Variants in FRS3 observed in about 807,000 individuals in gnomAD.
FRS3 encodes the protein FGFR substrate 3.
A neutral mutation model predicts 41.9 loss-of-function variants in FRS3; 17 were observed. The observed-to-expected ratio is 0.41, with a 90% CI of 0.28 to 0.61. The LOEUF is 0.61. Ranked by LOEUF, FRS3 falls within the 20% of genes least tolerant of loss-of-function variation. FRS3 has a pLI of 0.36. For missense variants in FRS3, 619 were observed against 672.1 expected (o/e 0.92, Z 0.87); for synonymous variants, 287 against 274.5 (o/e 1.05, Z -0.45).
At chr6:41,775,931 G>C (rs1457806777) in intron 3 of FRS3, among the ~76,000 whole-genome samples, 2 of 152,188 alleles carry the variant, frequency 1.3e-5, no homozygotes, top group Non-Finnish European at 2.9e-5. Flanking sequence ...TAGTATCCAA[G>C]GGCCAGATGT....
At position 41,771,346 on chromosome 6, in the gene FRS3, C is replaced by T. The variant is rs137923290; in HGVS notation, c.752G>A (p.Arg251Gln). ...GAGGCCCTGGCACTTCACCATGTGC[C>T]GCCGAGCAGGGGTCGGGCCCAACAC... ...KFVLGPTPAR[R>Q]HMVKCQGLCP... The change falls in exon 7 of 7, where the codon CGG becomes CAG. Residue 251 changes from arginine to glutamine, a missense_variant. Transcript: ENST00000373018. The T allele has an allele frequency of 1.3e-5, 21 of 1,613,372 alleles. No individual in the cohort carries two copies. The highest frequency in any genetic ancestry group is 5.0e-5 in the Admixed American group (3 of 59,930).
chr6:41,773,548 G>A (rs1772348156), intron 4 of FRS3, among the ~76,000 whole-genome samples: 2 of 152,114 alleles, frequency 1.3e-5, no homozygotes, highest in Non-Finnish European at 1.5e-5. Flanking sequence ...AAGGATGTGT[G>A]TGTTCAGGGG....
At chr6:41,775,885 T>C (rs1447558914) in intron 3 of FRS3, among the ~76,000 whole-genome samples, 1 of 152,148 alleles carries the variant, frequency 6.6e-6, no homozygotes, top group Non-Finnish European at 1.5e-5. Flanking sequence ...GTTTGTTAGA[T>C]AACAAATGTT....
intron 4 of FRS3, among the ~76,000 whole-genome samples, chr6:41,773,951 CTTCTT>C (rs1171760118): frequency 6.6e-6 from 1 of 151,824 alleles, no homozygotes; most frequent in Non-Finnish European, 1.5e-5. Context: ...AGTGAACATT[CTTCTT>C]TTATTTTTTC....
At chr6:41,778,953 C>T (rs1772466874) in intron 1 of FRS3, among the ~76,000 whole-genome samples, 2 of 152,176 alleles carry the variant, frequency 1.3e-5, no homozygotes, top group South Asian at 4.1e-4. Flanking sequence ...AGAAACACTT[C>T]CCAGGGCCCC....
rs766661900 is a variant in FRS3 at position 41,771,453 on chromosome 6, A to T, written c.645T>A (p.Gly215=). The T allele has an allele frequency of 6.2e-6, 10 of 1,605,502 alleles. No homozygotes were observed. The highest frequency in any genetic ancestry group is 4.3e-6 in the Non-Finnish European group (5 of 1,175,526). The part of the protein sequence containing the change: ...GRHCLQPLPE[G]QAPFLPQARG... ...GGGCCTGCGGGAGGAAGGGTGCCTGACCCTCAGGCAGGGGCTGCAGGCAGT... is the reference window on the plus strand; with the variant it reads ...GGGCCTGCGGGAGGAAGGGTGCCTGTCCCTCAGGCAGGGGCTGCAGGCAGT... The change falls in exon 7 of 7, where the codon GGT becomes GGA. Residue 215 remains glycine, a synonymous_variant. Coordinates refer to ENST00000373018, the MANE Select transcript of FRS3 (RefSeq NM_006653.5).
intron 1 of FRS3, among the ~76,000 whole-genome samples, chr6:41,779,065 A>G: frequency 6.6e-6 from 1 of 152,186 alleles, no homozygotes; most frequent in Non-Finnish European, 1.5e-5. Flanking sequence ...AGGTGTGCAC[A>G]GACTAAAGAT....
At chr6:41,775,720 C>G in intron 3 of FRS3, 115 bp from the exon 4 acceptor site, 1 of 763,786 alleles carries the variant, frequency 1.3e-6, no homozygotes, top group Non-Finnish European at 2.3e-6. Flanking sequence ...CCAAAGGTCA[C>G]ATCCGACTAT....
intron 4 of FRS3, among the ~76,000 whole-genome samples, chr6:41,774,921 T>G (rs1286359344): frequency 6.6e-6 from 1 of 152,156 alleles, no homozygotes; most frequent in Non-Finnish European, 1.5e-5. Context: ...GGAACCCAAG[T>G]GTAGATCAAA....
Position 41,770,444 on chromosome 6 carries a change from G to C in FRS3, c.*175C>G, listed in dbSNP as rs913425251. On this transcript the variant is annotated 3_prime_UTR_variant, in exon 7 of 7. Coordinates refer to ENST00000373018, the MANE Select transcript of FRS3 (RefSeq NM_006653.5). ...TCCCCAGCCTGGAGACAGACCAGGA[G>C]ACTCGGTGGCTGATATCTCTGGGGA... 3.3e-5 allele frequency: 21 copies of C among 631,558 alleles called. No homozygotes were observed. The highest frequency in any genetic ancestry group is 5.3e-5 in the Non-Finnish European group (19 of 359,776). The allele number at this position is 631,558 out of a possible 1,614,324, so 39.1% of individuals were successfully genotyped here.
chr6:41,771,880 C>T lies in FRS3; in HGVS notation c.500G>A (p.Ser167Asn). 1.9e-6 allele frequency: 3 copies of T among 1,554,226 alleles called. No homozygotes were observed. The highest frequency in any genetic ancestry group is 1.2e-5 in the South Asian group (1 of 84,224). ...CCCAAGCGAGGGGTGCCGCAGGCTG[C>T]TTGTCGAGAGCCGCCGGGGAGCTGA... ...RFSAPRRLST[S>N]SLRHPSLGEE... is the part of the protein sequence containing the mutation. Residue 167 changes from serine to asparagine, a missense_variant, in exon 6 of 7, where the codon AGC becomes AAC. Physicochemically the swap from Ser to Asn is conservative, Grantham distance 46. Around this residue, in one of 3 missense-constraint regions of FRS3, gnomAD observed 487 missense variants for 478.3 expected, o/e 1.02. Transcript: ENST00000373018.
chr6:41,771,950 C>G lies in FRS3; in HGVS notation c.430G>C (p.Val144Leu), dbSNP rs1247301530. 6.4e-7 allele frequency: 1 copy of G among 1,563,196 alleles called. No individual in the cohort carries two copies. Among genetic ancestry groups the G allele is most frequent in the East Asian group, 2.4e-5 (1 of 42,212 alleles). The change falls in exon 6 of 7, where the codon GTC (valine) becomes CTC (leucine). Residue 144 changes from valine to leucine, a missense_variant. Physicochemically the swap from Val to Leu is conservative, Grantham distance 32. Around this residue, in one of 3 missense-constraint regions of FRS3, gnomAD observed 487 missense variants for 478.3 expected, o/e 1.02. Coordinates refer to ENST00000373018, the MANE Select transcript of FRS3 (RefSeq NM_006653.5). The stretch of plus-strand genomic sequence containing the variant: ...GGGCAGCCATTGGAAAAGCTGGAGA[C>G]AGTGTAGCCTAGAGCTGAGCACACG... The part of the protein sequence containing the change: ...PQPPNALGYT[V>L]SSFSNGCPGE...
Position 41,772,867 on chromosome 6 carries a change from G to T in FRS3, c.346C>A (p.Pro116Thr). ...QCNSINVMEE[P>T]VIITRNSHPA... ...TGGCTATTGCGGGTGATGATGACAGGCTCTTCCATCACATTGATGCTGTTG... is the reference window on the plus strand; with the variant it reads ...TGGCTATTGCGGGTGATGATGACAGTCTCTTCCATCACATTGATGCTGTTG... Residue 116 changes from proline to threonine, a missense_variant, in exon 5 of 7, where the codon CCT becomes ACT. Physicochemically the swap from Pro to Thr is conservative, Grantham distance 38. Coordinates refer to ENST00000373018, the MANE Select transcript of FRS3 (RefSeq NM_006653.5). The T allele has an allele frequency of 6.2e-7, 1 of 1,612,872 alleles. No individual in the cohort carries two copies. The highest frequency in any genetic ancestry group is 8.5e-7 in the Non-Finnish European group (1 of 1,179,376).
At chr6:41,772,748 GT>G in intron 5 of FRS3, 49 bp downstream of exon 5, 3 of 940,314 alleles carry the variant, frequency 3.2e-6, no homozygotes, top group Non-Finnish European at 4.4e-6. Context: ...TCCTGGGCGT[GT>G]GTGTGTGTGT....
In FRS3 at chr6:41,776,909, G is replaced by A. The variant is rs1581972310; in HGVS notation, c.66+13C>T. ...CATGTTGGGAACACAGGAGAGGAGA[G>A]GGCTCTGGGTACCTTGAACTTGGTG... is the stretch of plus-strand genomic sequence containing the variant. On this transcript the variant is annotated intron_variant, in intron 3 of 6. Coordinates refer to ENST00000373018, the MANE Select transcript of FRS3 (RefSeq NM_006653.5). 1.2e-6 allele frequency: 2 copies of A among 1,609,500 alleles called. No individual in the cohort carries two copies. The highest frequency in any genetic ancestry group is 1.7e-6 in the Non-Finnish European group (2 of 1,175,762).
Position 41,771,435 on chromosome 6 carries a change from C to T in FRS3, c.663G>A (p.Pro221=), listed in dbSNP as rs35310379. The change falls in exon 7 of 7, where the codon CCG becomes CCA. Residue 221 remains proline (P), a synonymous_variant. Transcript: ENST00000373018. The stretch of plus-strand genomic sequence containing the variant: ...CCCGTTGGTCAGGTCCCCGGGCCTG[C>T]GGGAGGAAGGGTGCCTGACCCTCAG... ...PLPEGQAPFL[P]QARGPDQRDP... 153,188 of 1,611,344 alleles carry T rather than the reference C, an allele frequency of 0.095. 8,317 individuals are homozygous for T. The highest frequency in any genetic ancestry group is 0.11 in the Non-Finnish European group (131,041 of 1,178,532).
chr6:41,779,214 G>T (rs1373762758), intron 1 of FRS3, among the ~76,000 whole-genome samples: 1 of 152,058 alleles, frequency 6.6e-6, no homozygotes, highest in East Asian at 1.9e-4. Flanking sequence ...ATATCAGGAT[G>T]TATCAGATAG....
In FRS3 at chr6:41,770,827, C is replaced by T; in HGVS notation, c.1271G>A (p.Gly424Asp). 1 of 1,610,242 alleles carries T rather than the reference C, an allele frequency of 6.2e-7. No individual in the cohort carries two copies. The highest frequency in any genetic ancestry group is 1.1e-5 in the South Asian group (1 of 91,054). ...CCCCTTAGGGCGGTCTCCACCCCAGCCCTTTAGCTCCACCTGGATGTAGTT... is the reference window on the plus strand; with the variant it reads ...CCCCTTAGGGCGGTCTCCACCCCAGTCCTTTAGCTCCACCTGGATGTAGTT... ...QLNYIQVELK[G>D]WGGDRPKGPQ... Residue 424 changes from glycine to aspartate, a missense_variant, in exon 7 of 7, where the codon GGC (glycine) becomes GAC (aspartate). This residue lies in a region of FRS3 where 487 missense variants were observed against 478.3 expected (regional missense o/e 1.02). Transcript: ENST00000373018.
At position 41,779,782 on chromosome 6, in the gene FRS3, C is replaced by T. The variant is rs1327048110; in HGVS notation, c.-168+34G>A. 3.4e-5 allele frequency: 5 copies of T among 145,580 alleles called. 1 individual carries two copies. The highest frequency in any genetic ancestry group is 3.4e-4 in the Admixed American group (5 of 14,730). The allele number at this position is 145,580 out of a possible 1,614,324, so 9.0% of individuals were successfully genotyped here. On this transcript the variant is annotated intron_variant, in intron 1 of 6. Transcript: ENST00000373018. Reference sequence around the variant, plus strand: ...CGGCGCGGCGCGGCCTCGGTGAAGCCGCCTCGTCCCCGCCCCGCCGCGCCC... The same window carrying T: ...CGGCGCGGCGCGGCCTCGGTGAAGCTGCCTCGTCCCCGCCCCGCCGCGCCC...
Sources: gnomAD v4.1 joint callset for allele counts (sites outside exome capture counted in the v4.1 genomes callset) on GRCh38, gnomAD v4.1.1 for gene constraint, gnomAD v4.1.1 regional missense constraint, MANE v1.5 for transcripts, NCBI Gene and HGNC (gene_info 2026-07-23, HGNC 2026-07-21) for gene names.